The following LTBP1 variants were observed in gnomAD, a reference collection of about 807,000 sequenced individuals.
The protein encoded by LTBP1 is latent-transforming growth factor beta-binding protein 1.
Under a neutral mutation model 207.6 loss-of-function variants are expected in LTBP1, and 129 were observed. The ratio of observed to expected loss-of-function variants is 0.62; its 90% confidence interval spans 0.54 to 0.72. LTBP1 has a LOEUF of 0.72. Among genes scored for constraint, LTBP1 ranks in the 30% least tolerant of loss-of-function variants. The probability of loss-of-function intolerance (pLI) is 0.00; values close to 1 mark genes in which losing one functional copy is unlikely to be tolerated. For missense variants in LTBP1, 2,281 were observed against 2,217.2 expected, an observed-to-expected ratio of 1.03 and a Z score of -0.58; for synonymous variants, 963 against 833.7, an observed-to-expected ratio of 1.16 and a Z score of -2.67.
At chr2:33,152,369 C>G (rs2083612017) in intron 5 of LTBP1, among the ~76,000 whole-genome samples, 2 of 152,114 alleles carry the variant, frequency 1.3e-5, no homozygotes, top group East Asian at 3.9e-4. Context: ...CAGTGCGATA[C>G]CACCTCACGC....
intron 5 of LTBP1, among the ~76,000 whole-genome samples, chr2:33,155,201 A>G (rs909937338): frequency 7.2e-5 from 11 of 152,030 alleles, no homozygotes; most frequent in Non-Finnish European, 4.4e-5. Flanking sequence ...TCAAGATTGG[A>G]ACTACAGGCG....
chr2:32,956,632 T>G (rs562825538), intron 2 of LTBP1, among the ~76,000 whole-genome samples: 45 of 152,348 alleles, frequency 3.0e-4, no homozygotes, highest in African/African-American at 8.2e-4. Flanking sequence ...GGAATCAGCT[T>G]CTTCCAAACT....
chr2:33,084,788 A>G (rs1198809411), intron 3 of LTBP1, among the ~76,000 whole-genome samples: 1 of 152,220 alleles, frequency 6.6e-6, no homozygotes, highest in Non-Finnish European at 1.5e-5. Context: ...TTTGCCAGTC[A>G]GTCCAGCTCG....
At chr2:33,254,712 A>G (rs1182985492) in intron 11 of LTBP1, among the ~76,000 whole-genome samples, 2 of 138,912 alleles carry the variant, frequency 1.4e-5, no homozygotes, top group Non-Finnish European at 3.1e-5. Flanking sequence ...TCGTCATTTA[A>G]CATTAGGTAT....
In LTBP1 at chr2:33,257,433, C is replaced by T. The variant is rs1358371371; in HGVS notation, c.2317C>T (p.Pro773Ser). The change falls in exon 12 of 34, where the codon CCT (proline) becomes TCT (serine). Residue 773 changes from proline to serine, a missense_variant. Transcript: ENST00000404816. ...TGTTGCTAAAAGTACTCATCCTCCA[C>T]CTCTCCCAGCCAAGGAAGAGCCAGT... ...QPVAKSTHPP[P>S]LPAKEEPVEA... 3 of 1,614,126 alleles carry T rather than the reference C, an allele frequency of 1.9e-6. No individual in the cohort carries two copies. The highest frequency in any genetic ancestry group is 2.5e-6 in the Non-Finnish European group (3 of 1,180,044).
intron 3 of LTBP1, among the ~76,000 whole-genome samples, chr2:33,103,437 T>C (rs952768095): frequency 1.3e-5 from 2 of 152,212 alleles, no homozygotes; most frequent in African/African-American, 4.8e-5. Flanking sequence ...GTATGCACCA[T>C]GTGTGTAGTC....
Position 33,254,867 on chromosome 2 carries a change from T to TTG in LTBP1, c.2167+2024_2167+2025insGT, listed in dbSNP as rs2092800546. ...GCGGTGTTTGGTTTTTTTTTTTTTT[T>TTG]TTTTTTTTTTTTTTTTGTATTTTCT... On this transcript the variant is annotated intron_variant, in intron 11 of 33. Coordinates refer to ENST00000404816, the MANE Select transcript of LTBP1 (RefSeq NM_206943.4). Among the ~76,000 whole-genome samples, 9 of 122,044 alleles carry TTG rather than the reference T, an allele frequency of 7.4e-5. No homozygotes were observed. The South Asian group carries it at 2.8e-3, about 38-fold the overall frequency. 80.1% of individuals were successfully genotyped at this position (122,044 alleles called of 152,430 possible).
chr2:33,360,306 T>C (rs573345306), intron 26 of LTBP1, among the ~76,000 whole-genome samples: 10 of 152,284 alleles, frequency 6.6e-5, no homozygotes, highest in Admixed American at 5.9e-4. Context: ...AAAGGAGATA[T>C]GGAAACTCTA....
At chr2:33,257,558 CT>C (rs759692768) in intron 12 of LTBP1, 47 bp downstream of exon 12, 7 of 1,496,312 alleles carry the variant, frequency 4.7e-6, no homozygotes, top group Non-Finnish European at 6.5e-6. Flanking sequence ...ATCTGTGTGT[CT>C]TTGCTTTGAT....
At chr2:33,200,208 C>T (rs1343767890) in intron 7 of LTBP1, among the ~76,000 whole-genome samples, 1 of 152,164 alleles carries the variant, frequency 6.6e-6, no homozygotes, top group Non-Finnish European at 1.5e-5. Flanking sequence ...AGGCATCACG[C>T]TACCTGACTT....
At chr2:33,076,125 A>G (rs1297776682) in intron 3 of LTBP1, among the ~76,000 whole-genome samples, 2 of 152,246 alleles carry the variant, frequency 1.3e-5, no homozygotes, top group African/African-American at 2.4e-5. Context: ...GTCTCAAATC[A>G]TTGAGGTTTA....
At chr2:33,183,113 C>G (rs1274350198) in intron 5 of LTBP1, among the ~76,000 whole-genome samples, 1 of 152,008 alleles carries the variant, frequency 6.6e-6, no homozygotes, top group Non-Finnish European at 1.5e-5. Context: ...TGAGTTTGTA[C>G]AAAACGTTGG....
At chr2:33,166,161 T>G (rs569893419) in intron 5 of LTBP1, among the ~76,000 whole-genome samples, 1 of 152,118 alleles carries the variant, frequency 6.6e-6, no homozygotes, top group Admixed American at 6.5e-5. Context: ...TTTATAAGAA[T>G]TAGATAAGTG....
At chr2:33,132,029 G>C (rs116072427) in intron 4 of LTBP1, among the ~76,000 whole-genome samples, 7,533 of 152,252 alleles carry the variant, frequency 0.049, 253 homozygotes, top group Middle Eastern at 0.099. Context: ...CATCTGTGTG[G>C]CAGCTGCTGG....
At chr2:33,053,626 G>T (rs1200994120) in intron 3 of LTBP1, among the ~76,000 whole-genome samples, 1 of 152,066 alleles carries the variant, frequency 6.6e-6, no homozygotes, top group Non-Finnish European at 1.5e-5. Context: ...GTCGGCAAAA[G>T]CCAGTAATTC....
chr2:33,040,005 AAG>A (rs1478789885), intron 3 of LTBP1, among the ~76,000 whole-genome samples: 1 of 152,146 alleles, frequency 6.6e-6, no homozygotes, highest in Non-Finnish European at 1.5e-5. Flanking sequence ...GCAGCCAGAA[AAG>A]AGAGATCGAA....
chr2:33,131,864 T>C lies in LTBP1; in HGVS notation c.1034-2929T>C, dbSNP rs115396484. On this transcript the variant is annotated intron_variant, in intron 4 of 33. Transcript: ENST00000404816. ...GAAATTTTTTTTTGGCAAAGAAATATAAGAAGTTTTTAATAACAATAGGCC... is the reference window on the plus strand; with the variant it reads ...GAAATTTTTTTTTGGCAAAGAAATACAAGAAGTTTTTAATAACAATAGGCC... Among the ~76,000 whole-genome samples, 374 of 152,214 alleles carry C rather than the reference T, an allele frequency of 2.5e-3. 1 individual carries two copies. The highest frequency in any genetic ancestry group is 0.017 in the Middle Eastern group (5 of 294).
At chr2:32,959,203 G>T (rs902542694) in intron 2 of LTBP1, among the ~76,000 whole-genome samples, 31 of 152,186 alleles carry the variant, frequency 2.0e-4, no homozygotes, top group Non-Finnish European at 3.8e-4. Flanking sequence ...TTGGTCAGTG[G>T]ATGGGAAGAT....
chr2:33,145,470 G>A (rs1281828693), intron 5 of LTBP1, among the ~76,000 whole-genome samples: 7 of 152,206 alleles, frequency 4.6e-5, no homozygotes, highest in African/African-American at 1.7e-4. Context: ...ACTACAGTGA[G>A]GAAAGCAGAC....
Sources: gnomAD v4.1 joint callset for allele counts (sites outside exome capture counted in the v4.1 genomes callset) on GRCh38, gnomAD v4.1.1 for gene constraint, MANE v1.5 for transcripts, NCBI Gene and HGNC (gene_info 2026-07-23, HGNC 2026-07-21) for gene names.